The following MMRN1 variants were observed in gnomAD, a reference collection of about 807,000 sequenced individuals.
MMRN1 encodes the protein multimerin 1.
Under a neutral mutation model 100.7 loss-of-function variants are expected in MMRN1, and 94 were observed. The ratio of observed to expected loss-of-function variants is 0.93; its 90% confidence interval spans 0.79 to 1.11. The LOEUF (loss-of-function observed/expected upper bound fraction) is 1.11. MMRN1 is among the 50% of genes least tolerant of loss of function. The probability of loss-of-function intolerance (pLI) is 0.00; values close to 1 mark genes in which losing one functional copy is unlikely to be tolerated. For synonymous variants in MMRN1, 575 were observed against 505.0 expected (o/e 1.14, Z -1.86); for missense variants, 1,606 against 1,439.1 (o/e 1.12, Z -1.88).
At chr4:89,952,602 C>T (rs1723214822) in intron 7 of MMRN1, among the ~76,000 whole-genome samples, 1 of 152,164 alleles carries the variant, frequency 6.6e-6, no homozygotes, top group African/African-American at 2.4e-5. Flanking sequence ...ATTGTTTCTA[C>T]ATCATGTCAG....
At chr4:89,952,247 A>G (rs1272664403) in intron 7 of MMRN1, among the ~76,000 whole-genome samples, 1 of 152,206 alleles carries the variant, frequency 6.6e-6, no homozygotes, top group Non-Finnish European at 1.5e-5. Context: ...AAATGTATTA[A>G]GTAAAACAAG....
At chr4:89,901,875 C>T (rs1272471375) in intron 1 of MMRN1, 2 of 151,874 alleles carry the variant, frequency 1.3e-5, no homozygotes, top group African/African-American at 2.4e-5. Flanking sequence ...CGCACAACTT[C>T]TGCTTTTCTG....
At chr4:89,885,404 T>C (rs1041117888) in intron 1 of MMRN1, among the ~76,000 whole-genome samples, 3 of 152,102 alleles carry the variant, frequency 2.0e-5, no homozygotes, top group Admixed American at 1.3e-4. Flanking sequence ...ATTTTTTTTG[T>C]AATATTTGGT....
At position 89,953,421 on chromosome 4, in the gene MMRN1, T is replaced by C; in HGVS notation, c.*3T>C. ...GCTATTTATTATATCGTACATAAGT[T>C]AGTATGAAAAACAGACTATCACCTT... On this transcript the variant is annotated 3_prime_UTR_variant, in exon 8 of 8. Coordinates refer to ENST00000264790, the MANE Select transcript of MMRN1 (RefSeq NM_007351.3). 1 of 1,575,884 alleles carries C rather than the reference T, an allele frequency of 6.3e-7. No homozygotes were observed. Among genetic ancestry groups the C allele is most frequent in the Non-Finnish European group, 8.6e-7 (1 of 1,164,552 alleles).
At chr4:89,898,494 A>T (rs1475674580) in intron 1 of MMRN1, among the ~76,000 whole-genome samples, 1 of 151,830 alleles carries the variant, frequency 6.6e-6, no homozygotes, top group East Asian at 1.9e-4. Context: ...AAGCGTGACC[A>T]GTTCACTTCC....
At chr4:89,912,919 G>A (rs915230281) in intron 3 of MMRN1, among the ~76,000 whole-genome samples, 2 of 151,116 alleles carry the variant, frequency 1.3e-5, no homozygotes, top group African/African-American at 2.4e-5. Flanking sequence ...AGAATCTACA[G>A]GCAAATTTCA....
Position 89,952,993 on chromosome 4 carries a change from A to G in MMRN1, c.3266-4A>G. On this transcript the variant is annotated splice_polypyrimidine_tract_variant and splice_region_variant and intron_variant, in intron 7 of 7. Coordinates refer to ENST00000264790, the MANE Select transcript of MMRN1 (RefSeq NM_007351.3). The stretch of plus-strand genomic sequence containing the variant: ...TTAACTCTTGCCATTTTTTCCTCTA[A>G]CAGATTTTTCCAAAGGATCTTACAG... The G allele has an allele frequency of 6.4e-7, 1 of 1,554,802 alleles. No homozygotes were observed. Among genetic ancestry groups the G allele is most frequent in the Non-Finnish European group, 8.7e-7 (1 of 1,151,732 alleles).
upstream of MMRN1, among the ~76,000 whole-genome samples, chr4:89,891,466 A>C (rs968552377): frequency 2.6e-5 from 4 of 152,132 alleles, no homozygotes; most frequent in Non-Finnish European, 5.9e-5. Context: ...TACCCTAGGA[A>C]GTTATTTAAC....
At position 89,935,417 on chromosome 4, in the gene MMRN1, C is replaced by T; in HGVS notation, c.1737C>T (p.Val579=). Residue 579 remains valine, a synonymous_variant, in exon 6 of 8, where the codon GTC becomes GTT. Coordinates refer to ENST00000264790, the MANE Select transcript of MMRN1 (RefSeq NM_007351.3). The part of the protein sequence containing the change: ...IQESKINNLT[V]SLEMEKESLR... Reference sequence around the variant, plus strand: ...AAAGCAAGATTAACAATCTCACCGTCTCTTTGGAGATGGAGAAAGAGTCTC... The same window carrying T: ...AAAGCAAGATTAACAATCTCACCGTTTCTTTGGAGATGGAGAAAGAGTCTC... The T allele has an allele frequency of 6.2e-7, 1 of 1,613,464 alleles. No individual in the cohort carries two copies. The highest frequency in any genetic ancestry group is 8.5e-7 in the Non-Finnish European group (1 of 1,179,742).
intron 7 of MMRN1, 21 bp downstream of exon 7, chr4:89,951,772 T>A: frequency 6.2e-7 from 1 of 1,607,072 alleles, no homozygotes; most frequent in Non-Finnish European, 8.5e-7. Context: ...AGTATACGCA[T>A]CTTTGGATTT....
At chr4:89,887,898 A>G (rs936742041) in intron 1 of MMRN1, among the ~76,000 whole-genome samples, 2 of 152,012 alleles carry the variant, frequency 1.3e-5, no homozygotes, top group African/African-American at 2.4e-5. Flanking sequence ...AAAAAATTTA[A>G]TTCATTATAA....
intron 6 of MMRN1, among the ~76,000 whole-genome samples, chr4:89,943,837 A>G (rs1243231735): frequency 6.6e-6 from 1 of 152,098 alleles, no homozygotes; most frequent in Non-Finnish European, 1.5e-5. Flanking sequence ...TAAAAATACA[A>G]AAATTAGCCA....
At chr4:89,941,104 T>A (rs191398100) in intron 6 of MMRN1, among the ~76,000 whole-genome samples, 2 of 152,320 alleles carry the variant, frequency 1.3e-5, no homozygotes, top group Admixed American at 1.3e-4. Flanking sequence ...TATAAAATAT[T>A]TTCAAATATA....
intron 1 of MMRN1, among the ~76,000 whole-genome samples, chr4:89,898,169 C>T (rs559831853): frequency 6.6e-6 from 1 of 152,134 alleles, no homozygotes; most frequent in Admixed American, 6.5e-5. Flanking sequence ...CAAAAGAAGT[C>T]CTTCGTACTT....
intron 1 of MMRN1, among the ~76,000 whole-genome samples, chr4:89,881,380 G>A (rs17016326): frequency 0.027 from 4,075 of 152,078 alleles, 128 homozygotes; most frequent in African/African-American, 0.068. Context: ...GAATGTGGCC[G>A]TTTTCTAGTC....
chr4:89,904,541 T>A (rs1352041771), intron 1 of MMRN1, among the ~76,000 whole-genome samples: 2 of 151,834 alleles, frequency 1.3e-5, no homozygotes, highest in South Asian at 2.1e-4. Context: ...GTACAATATT[T>A]GTCCTTTTGT....
chr4:89,905,547 G>A (rs1560582882), intron 1 of MMRN1, among the ~76,000 whole-genome samples: 1 of 151,464 alleles, frequency 6.6e-6, no homozygotes, highest in South Asian at 2.1e-4. Context: ...GAGACGCATG[G>A]GTGGGTATTA....
At chr4:89,918,667 C>T (rs1284445836) in intron 3 of MMRN1, among the ~76,000 whole-genome samples, 2 of 151,758 alleles carry the variant, frequency 1.3e-5, no homozygotes, top group Non-Finnish European at 2.9e-5. Context: ...TACTTTCAGT[C>T]AGAAATATTT....
chr4:89,925,302 A>ATTTTT (rs1176427401), intron 4 of MMRN1, among the ~76,000 whole-genome samples: 30 of 101,964 alleles, frequency 2.9e-4, no homozygotes, highest in Middle Eastern at 6.6e-3. Flanking sequence ...TGCCTGGTTA[A>ATTTTT]TTTTTTTTTT....
Sources: gnomAD v4.1 joint callset for allele counts (sites outside exome capture counted in the v4.1 genomes callset) on GRCh38, gnomAD v4.1.1 for gene constraint, MANE v1.5 for transcripts, NCBI Gene and HGNC (gene_info 2026-07-23, HGNC 2026-07-21) for gene names.